The following NXPH2 variants were observed in gnomAD, a reference collection of about 807,000 sequenced individuals.
NXPH2 encodes neurexophilin 2.
In NXPH2, 5 loss-of-function variants were observed where a neutral mutation model predicts 19.8. The ratio of observed to expected loss-of-function variants is 0.25; its 90% CI spans 0.13 to 0.53. The LOEUF (loss-of-function observed/expected upper bound fraction) is 0.53, where lower values mean the gene tolerates loss of function less well. NXPH2 is among the 20% of genes least tolerant of loss of function. The probability of loss-of-function intolerance (pLI) is 0.96; values close to 1 mark genes in which losing one functional copy is unlikely to be tolerated. For synonymous variants in NXPH2, 154 were observed against 127.4 expected (o/e 1.21, Z -1.41); for missense variants, 289 against 322.8 (o/e 0.90, Z 0.80).
chr2:138,738,008 C>T (rs1421496392), intron 1 of NXPH2, among the ~76,000 whole-genome samples: 2 of 151,482 alleles, frequency 1.3e-5, no homozygotes, highest in African/African-American at 2.4e-5. Flanking sequence ...TGTTGGTGTG[C>T]TGCACCCATT....
chr2:138,707,094 C>CAAAAAAAAAAAAAAAAAAAAAT (rs70982073), intron 1 of NXPH2, among the ~76,000 whole-genome samples: 1 of 34,840 alleles, frequency 2.9e-5, no homozygotes, highest in Non-Finnish European at 5.7e-5. Context: ...TGCCCCATGA[C>CAAAAAAAAAAAAAAAAAAAAAT]AAAAAAAAAA....
chr2:138,678,726 A>C (rs1474440031), intron 1 of NXPH2, among the ~76,000 whole-genome samples: 6 of 152,188 alleles, frequency 3.9e-5, no homozygotes, highest in African/African-American at 1.4e-4. Context: ...TAGCTCTATA[A>C]AAAAGAGCTT....
At chr2:138,777,578 A>G (rs1682285174) in intron 1 of NXPH2, among the ~76,000 whole-genome samples, 1 of 151,868 alleles carries the variant, frequency 6.6e-6, no homozygotes, top group African/African-American at 2.4e-5. Flanking sequence ...TGTATTATAT[A>G]TACGTGTATA....
intron 1 of NXPH2, among the ~76,000 whole-genome samples, chr2:138,734,206 C>T (rs1681498510): frequency 6.6e-6 from 1 of 152,168 alleles, no homozygotes; most frequent in African/African-American, 2.4e-5. Flanking sequence ...GATCCCACCA[C>T]TGCATTCCAG....
intron 1 of NXPH2, among the ~76,000 whole-genome samples, chr2:138,766,838 T>C (rs1682100192): frequency 6.6e-6 from 1 of 152,210 alleles, no homozygotes; most frequent in Non-Finnish European, 1.5e-5. Flanking sequence ...AATTTTAAAT[T>C]TATTTTCTAA....
chr2:138,696,677 G>C (rs1411932174), intron 1 of NXPH2, among the ~76,000 whole-genome samples: 2 of 152,116 alleles, frequency 1.3e-5, no homozygotes, highest in East Asian at 3.9e-4. Context: ...AAGCAACTTT[G>C]GAAGGCAATC....
chr2:138,777,553 T>C (rs1682284331), intron 1 of NXPH2, among the ~76,000 whole-genome samples: 2 of 151,788 alleles, frequency 1.3e-5, no homozygotes, highest in African/African-American at 2.4e-5. Flanking sequence ...GTAAAAAAAT[T>C]CTAGTTATTG....
chr2:138,731,026 ATGTAAAGTTTCCCCTTTCAT>A (rs1447557256), intron 1 of NXPH2, among the ~76,000 whole-genome samples: 1 of 152,134 alleles, frequency 6.6e-6, no homozygotes, highest in Non-Finnish European at 1.5e-5. Flanking sequence ...CTGACTGCCA[ATGTAAAGTTTCCCCTTTCAT>A]TGTCTTACAG....
chr2:138,759,224 C>G (rs1681963832), intron 1 of NXPH2, among the ~76,000 whole-genome samples: 1 of 152,046 alleles, frequency 6.6e-6, no homozygotes, highest in Non-Finnish European at 1.5e-5. Context: ...TTTTAGTATC[C>G]TTTATGAAGG....
Position 138,723,054 on chromosome 2 carries a change from G to A in NXPH2, c.52-51389C>T, listed in dbSNP as rs376459472. Among the ~76,000 whole-genome samples the A allele has an allele frequency of 8.5e-5, 13 of 152,186 alleles. No homozygotes were observed. In the East Asian group the frequency reaches 1.2e-3, roughly 14 times the overall value. On this transcript the variant is annotated intron_variant, in intron 1 of 1. Transcript: ENST00000272641. ...TATTTTATATCTATTGCCAGGGCAA[G>A]CAAAGGCAAAAAGTGCTTGAGACAA...
intron 1 of NXPH2, among the ~76,000 whole-genome samples, chr2:138,744,627 C>T (rs1288801971): frequency 2.0e-5 from 3 of 152,182 alleles, no homozygotes; most frequent in Non-Finnish European, 4.4e-5. Flanking sequence ...TCTCCCTCCT[C>T]CAGGTGCTCC....
intron 1 of NXPH2, among the ~76,000 whole-genome samples, chr2:138,685,702 C>T (rs1680639352): frequency 6.6e-6 from 1 of 152,086 alleles, no homozygotes; most frequent in African/African-American, 2.4e-5. Flanking sequence ...CTACTAAATG[C>T]TTATTGCTTT....
chr2:138,738,287 A>G (rs1558926059), intron 1 of NXPH2, among the ~76,000 whole-genome samples: 1 of 152,230 alleles, frequency 6.6e-6, no homozygotes, highest in Non-Finnish European at 1.5e-5. Flanking sequence ...GGAATAATAT[A>G]TAGCTCATGG....
At chr2:138,719,382 C>T (rs1409600201) in intron 1 of NXPH2, among the ~76,000 whole-genome samples, 4 of 151,934 alleles carry the variant, frequency 2.6e-5, no homozygotes, top group African/African-American at 7.2e-5. Context: ...AGGGTACAGG[C>T]GAAGAAAGGA....
intron 1 of NXPH2, among the ~76,000 whole-genome samples, chr2:138,778,625 T>C (rs1453312154): frequency 6.6e-6 from 1 of 152,232 alleles, no homozygotes; most frequent in East Asian, 1.9e-4. Flanking sequence ...TTCGTGAAGA[T>C]ATTCTGAAGA....
At chr2:138,775,555 C>T (rs1042414360) in intron 1 of NXPH2, among the ~76,000 whole-genome samples, 4 of 151,890 alleles carry the variant, frequency 2.6e-5, no homozygotes, top group African/African-American at 7.3e-5. Flanking sequence ...ATACTTATGA[C>T]GAAATAGTGT....
intron 1 of NXPH2, among the ~76,000 whole-genome samples, chr2:138,708,042 A>C (rs1378122072): frequency 6.6e-6 from 1 of 152,208 alleles, no homozygotes; most frequent in Non-Finnish European, 1.5e-5. Flanking sequence ...TGACTGTCCC[A>C]AGATGCCAGG....
intron 1 of NXPH2, among the ~76,000 whole-genome samples, chr2:138,689,711 G>T (rs1026719844): frequency 1.3e-5 from 2 of 152,142 alleles, no homozygotes; most frequent in African/African-American, 4.8e-5. Context: ...AAATAAGCTG[G>T]AATACTTAAT....
At chr2:138,744,002 CAA>C (rs35072611) in intron 1 of NXPH2, among the ~76,000 whole-genome samples, 40 of 85,756 alleles carry the variant, frequency 4.7e-4, no homozygotes, top group African/African-American at 1.7e-3. Context: ...GACTCCATCT[CAA>C]AAAAAAAAAA....
Sources: allele counts gnomAD v4.1 joint callset (sites outside exome capture counted in the v4.1 genomes callset), GRCh38; gene constraint gnomAD v4.1.1; transcripts MANE v1.5; gene names NCBI Gene and HGNC (gene_info 2026-07-23, HGNC 2026-07-21).